Variants in PAX5 observed in about 807,000 individuals in gnomAD.
The protein encoded by PAX5 is paired box protein Pax-5.
In PAX5, 9 loss-of-function variants were observed where a neutral mutation model predicts 43.7. The observed-to-expected ratio is 0.21, with a 90% CI of 0.12 to 0.36. The LOEUF (loss-of-function observed/expected upper bound fraction) is 0.36, where lower values mean the gene tolerates loss of function less well. PAX5 is among the 10% of genes least tolerant of loss of function. PAX5 has a pLI of 1.00. For synonymous variants in PAX5, 228 were observed against 214.3 expected (o/e 1.06, Z -0.56); for missense variants, 383 against 532.7 (o/e 0.72, Z 2.77).
intron 5 of PAX5, among the ~76,000 whole-genome samples, chr9:36,992,881 A>G (rs1172449449): frequency 6.6e-6 from 1 of 152,258 alleles, no homozygotes; most frequent in African/African-American, 2.4e-5. Context: ...AGGGGTCCCC[A>G]AGATACTTTC....
At chr9:37,004,540 G>C (rs1435202454) in intron 4 of PAX5, among the ~76,000 whole-genome samples, 2 of 152,192 alleles carry the variant, frequency 1.3e-5, no homozygotes, top group East Asian at 3.8e-4. Flanking sequence ...CAAACCTAGA[G>C]GGAGCCATGC....
intron 6 of PAX5, among the ~76,000 whole-genome samples, chr9:36,952,234 C>CTTTTTTTTTTTTTTTTTTTTT: frequency 1.5e-5 from 1 of 66,626 alleles, no homozygotes; most frequent in Non-Finnish European, 2.6e-5. Context: ...GACCATCTCC[C>CTTTTTTTTTTTTTTTTTTTTT]TTTTTTTTTT....
intron 5 of PAX5, among the ~76,000 whole-genome samples, chr9:36,997,470 G>C (rs1218095094): frequency 1.3e-5 from 2 of 152,204 alleles, no homozygotes; most frequent in African/African-American, 4.8e-5. Flanking sequence ...GGTCTCACTA[G>C]AGATCAAAAG....
rs773387615 is a variant in PAX5 at position 37,033,981 on chromosome 9, C to A, written c.46+5G>T. The stretch of plus-strand genomic sequence containing the variant: ...GCACATCTGGAGCCCGTATCGCGGT[C>A]CTACCTGTCCTGCTGGTCCGAGGAG... On this transcript the variant is annotated splice_donor_5th_base_variant and intron_variant, in intron 1 of 9. Transcript: ENST00000358127. 1 of 1,611,706 alleles carries A rather than the reference C, an allele frequency of 6.2e-7. No individual in the cohort carries two copies. Among genetic ancestry groups the A allele is most frequent in the Admixed American group, 1.7e-5 (1 of 60,002 alleles).
Position 36,882,843 on chromosome 9 carries a change from A to C in PAX5, c.911-738T>G, listed in dbSNP as rs759684051. On this transcript the variant is annotated intron_variant, in intron 7 of 9. Transcript: ENST00000358127. The surrounding 1 kb of genome is among the most constrained non-coding windows in gnomAD (Gnocchi z 4.4). ...GCTCTTTCAGGCTGCTGTGCTTCTG[A>C]CCATGAGTCCAGAGTGTCCATGTGT... Among the ~76,000 whole-genome samples, 29 of 152,222 alleles carry C rather than the reference A, an allele frequency of 1.9e-4. No individual in the cohort carries two copies. Among genetic ancestry groups the C allele is most frequent in the Non-Finnish European group, 1.9e-4 (13 of 68,040 alleles).
chr9:36,966,539 C>A lies in PAX5; in HGVS notation c.780+10G>T, dbSNP rs778319865. The A allele has an allele frequency of 6.2e-7, 1 of 1,608,604 alleles. No individual in the cohort carries two copies. Among genetic ancestry groups the A allele is most frequent in the East Asian group, 2.2e-5 (1 of 44,780 alleles). On this transcript the variant is annotated intron_variant, in intron 6 of 9. Coordinates refer to ENST00000358127, the MANE Select transcript of PAX5 (RefSeq NM_016734.3). ...TGGCAGGTGTGGTGGGCGTGCATCA[C>A]GAGGCGTACCTGCTCGGGCTTGATG...
chr9:36,875,135 G>A (rs945734155), intron 8 of PAX5, among the ~76,000 whole-genome samples: 4 of 152,056 alleles, frequency 2.6e-5, no homozygotes, highest in Admixed American at 1.3e-4. Flanking sequence ...CCCATGTGGC[G>A]GCCACTCTAA....
At chr9:36,874,913 C>T (rs1259483873) in intron 8 of PAX5, among the ~76,000 whole-genome samples, 1 of 152,198 alleles carries the variant, frequency 6.6e-6, no homozygotes, top group Non-Finnish European at 1.5e-5. Context: ...ATGTGCCAGT[C>T]AGAATTCTAA....
intron 7 of PAX5, among the ~76,000 whole-genome samples, chr9:36,887,930 T>TAAAA (rs58794477): frequency 0.28 from 42,867 of 151,950 alleles, 6,121 homozygotes; most frequent in African/African-American, 0.32. Context: ...AGCTCAATAA[T>TAAAA]AGACAAATAA....
At chr9:36,972,110 G>A (rs1046734766) in intron 5 of PAX5, among the ~76,000 whole-genome samples, 2 of 152,220 alleles carry the variant, frequency 1.3e-5, no homozygotes, top group Admixed American at 6.5e-5. Context: ...TGGCTTTTGG[G>A]ATGTAACCCC....
chr9:36,967,224 A>G (rs1834521590), intron 5 of PAX5, among the ~76,000 whole-genome samples: 1 of 152,210 alleles, frequency 6.6e-6, no homozygotes, highest in Admixed American at 6.5e-5. Flanking sequence ...TGTGCTAGGA[A>G]GACTGTAGGA....
Position 36,882,070 on chromosome 9 carries a change from G to C in PAX5, c.946C>G (p.Pro316Ala), listed in dbSNP as rs763627221. 3 of 1,607,950 alleles carry C rather than the reference G, an allele frequency of 1.9e-6. No individual in the cohort carries two copies. The highest frequency in any genetic ancestry group is 2.6e-6 in the Non-Finnish European group (3 of 1,175,968). ...TGTCCAGCGGGGGGGACGTGTGGAG[G>C]GTACCCGGGGAGGGTCGTGCTCGCC... ...DLASTTLPGY[P>A]PHVPPAGQGS... Residue 316 changes from proline to alanine, a missense_variant, in exon 8 of 10, where the codon CCT becomes GCT. Pro to Ala is a conservative substitution (Grantham distance 27, BLOSUM62 -1). Around this residue, in one of 5 missense-constraint regions of PAX5, gnomAD observed 291 missense variants for 342.5 expected, o/e 0.85. Coordinates refer to ENST00000358127, the MANE Select transcript of PAX5 (RefSeq NM_016734.3). This position sits in a 1 kb window ranked among gnomAD's most constrained non-coding sequence, Gnocchi z 4.4.
At chr9:36,949,325 G>C (rs985642417) in intron 6 of PAX5, among the ~76,000 whole-genome samples, 5 of 152,168 alleles carry the variant, frequency 3.3e-5, no homozygotes, top group African/African-American at 1.2e-4. Flanking sequence ...CTCCTAAAGT[G>C]CTGGGATTAC....
rs530620214 is a variant in PAX5 at position 36,871,609 on chromosome 9, T to C, written c.1012+10395A>G. Among the ~76,000 whole-genome samples, 241 of 152,346 alleles carry C rather than the reference T, an allele frequency of 1.6e-3. 1 individual carries two copies. Among genetic ancestry groups the C allele is most frequent in the African/African-American group, 5.7e-3 (236 of 41,572 alleles). ...GCCCAGTCGTTTTGTTTGTTGTTTG[T>C]TTTTAAGAAACACCATTAGTAGAAG... On this transcript the variant is annotated intron_variant, in intron 8 of 9. Transcript: ENST00000358127.
chr9:36,915,229 G>A (rs796448911), intron 7 of PAX5, among the ~76,000 whole-genome samples: 1 of 152,288 alleles, frequency 6.6e-6, no homozygotes, highest in African/African-American at 2.4e-5. Context: ...TTAAAATTTT[G>A]ATAGATCCCA....
intron 6 of PAX5, among the ~76,000 whole-genome samples, chr9:36,958,867 G>A (rs1833719467): frequency 1.3e-5 from 2 of 152,148 alleles, no homozygotes; most frequent in African/African-American, 4.8e-5. Context: ...ATGGGACCTG[G>A]CCCTGAACTC....
intron 7 of PAX5, among the ~76,000 whole-genome samples, chr9:36,902,461 A>G (rs1828486560): frequency 6.6e-6 from 1 of 152,350 alleles, no homozygotes; most frequent in East Asian, 1.9e-4. Context: ...ATAATTACAA[A>G]GGTCAAAGAA....
At chr9:36,908,309 A>G (rs1225010752) in intron 7 of PAX5, among the ~76,000 whole-genome samples, 2 of 151,848 alleles carry the variant, frequency 1.3e-5, no homozygotes, top group Non-Finnish European at 2.9e-5. Flanking sequence ...TTGCTTCCCC[A>G]TAAAACCTTC....
intron 6 of PAX5, among the ~76,000 whole-genome samples, chr9:36,931,252 C>T (rs906695229): frequency 6.6e-6 from 1 of 152,252 alleles, no homozygotes; most frequent in Non-Finnish European, 1.5e-5. Flanking sequence ...AGCCTGGCTC[C>T]AGCGACTGAG....
Sources: gnomAD v4.1 joint callset for allele counts (sites outside exome capture counted in the v4.1 genomes callset) on GRCh38, gnomAD v4.1.1 for gene constraint, gnomAD v4.1.1 regional missense constraint, Gnocchi (gnomAD v3.1) non-coding constraint, MANE v1.5 for transcripts, NCBI Gene and HGNC (gene_info 2026-07-23, HGNC 2026-07-21) for gene names.